SERPINI2: variants seen among roughly 807,000 people sequenced by gnomAD.
SERPINI2 encodes the protein serpin I2.
SERPINI2 carries 48 observed loss-of-function variants against 47.3 expected under a neutral mutation model. The observed-to-expected ratio is 1.02, with a 90% CI of 0.81 to 1.29. The LOEUF is 1.29. SERPINI2 is among the 50% of genes most tolerant of loss of function. The pLI is 0.00. For synonymous variants in SERPINI2, 135 were observed against 149.3 expected (o/e 0.90, Z 0.70); for missense variants, 448 against 456.9 (o/e 0.98, Z 0.18).
upstream of SERPINI2, among the ~76,000 whole-genome samples, chr3:167,476,934 G>A (rs766185822): frequency 3.2e-4 from 49 of 152,046 alleles, no homozygotes; most frequent in Admixed American, 1.6e-3. Context: ...TTCTGGGCAT[G>A]TGGCTCAGAT....
chr3:167,451,224 C>T (rs981960878), intron 6 of SERPINI2, among the ~76,000 whole-genome samples: 1 of 152,162 alleles, frequency 6.6e-6, no homozygotes, highest in Non-Finnish European at 1.5e-5. Context: ...TGCTTACACT[C>T]AGAAAGGTTA....
intron 5 of SERPINI2, among the ~76,000 whole-genome samples, chr3:167,455,395 C>T (rs1749755639): frequency 6.6e-6 from 1 of 152,024 alleles, no homozygotes; most frequent in Non-Finnish European, 1.5e-5. Context: ...TACTTCTGGC[C>T]TCCAGGCCCT....
chr3:167,467,376 C>A (rs1750167426), intron 2 of SERPINI2, 91 bp from the exon 3 acceptor site: 1 of 873,652 alleles, frequency 1.1e-6, no homozygotes, highest in South Asian at 1.8e-5. Flanking sequence ...TGATTCATAT[C>A]ACCGTTTTTT....
intron 5 of SERPINI2, among the ~76,000 whole-genome samples, chr3:167,461,455 C>A (rs1203330745): frequency 6.6e-6 from 1 of 152,068 alleles, no homozygotes; most frequent in African/African-American, 2.4e-5. Flanking sequence ...GCTTTTAAGG[C>A]AAATTGTTCT....
chr3:167,467,020 G>A (rs774548754), intron 3 of SERPINI2, 35 bp downstream of exon 3: 3 of 1,480,386 alleles, frequency 2.0e-6, no homozygotes, highest in African/African-American at 2.8e-5. Context: ...GAATACAATG[G>A]CAAATAATAA....
At chr3:167,471,819 A>C (rs17246389) in exon 2 of SERPINI2, 388,655 of 1,606,616 alleles carry the variant, frequency 0.24, 50,484 homozygotes, top group South Asian at 0.3. Flanking sequence ...AGACTCCACA[A>C]GAAGATTGTG....
intron 6 of SERPINI2, among the ~76,000 whole-genome samples, chr3:167,450,993 A>G (rs1246145771): frequency 6.6e-6 from 1 of 152,210 alleles, no homozygotes. Context: ...CATAGTCATT[A>G]TTTCTCTTAA....
intron 3 of SERPINI2, among the ~76,000 whole-genome samples, chr3:167,466,571 A>T (rs1326624371): frequency 6.6e-6 from 1 of 152,164 alleles, no homozygotes; most frequent in African/African-American, 2.4e-5. Flanking sequence ...CAACTATGAA[A>T]TTTTTTGCTA....
intron 2 of SERPINI2, among the ~76,000 whole-genome samples, chr3:167,468,351 T>G (rs1750206678): frequency 6.6e-6 from 1 of 152,098 alleles, no homozygotes; most frequent in African/African-American, 2.4e-5. Context: ...ATACATTTTT[T>G]TTTTTAAATC....
chr3:167,449,248 G>A, intron 7 of SERPINI2, 68 bp downstream of exon 7: 2 of 1,051,446 alleles, frequency 1.9e-6, no homozygotes, highest in Admixed American at 3.4e-5. Context: ...CTTCAAAAGG[G>A]TCAGCACCAT....
exon 3 of SERPINI2, chr3:167,467,130 T>C (rs1468205930): frequency 1.2e-6 from 2 of 1,613,482 alleles, no homozygotes; most frequent in African/African-American, 2.7e-5. Flanking sequence ...ACCAGTTTTA[T>C]AGCACTCTGA....
rs1750170236 is a variant in SERPINI2, at chr3:167,467,436, T to C, written c.248-151A>G. 20 of 577,700 alleles carry C rather than the reference T, an allele frequency of 3.5e-5. No individual in the cohort carries two copies. In the South Asian group the frequency reaches 4.6e-4, roughly 13 times the overall value. 35.8% of individuals were successfully genotyped at this position (577,700 alleles called of 1,614,324 possible). A position where few individuals can be genotyped will look rare whatever the true frequency, so the allele number is the denominator to read the frequency against. ...CCCTTCAAAGTTAGTATAAATATTT[T>C]AAGGATGTATCTCCTGTAGAATATG... On this transcript the variant is annotated intron_variant, in intron 2 of 8. Coordinates refer to ENST00000264677, the Ensembl canonical transcript of SERPINI2.
chr3:167,473,734 T>TA, intron 1 of SERPINI2: 1 of 1,470,626 alleles, frequency 6.8e-7, no homozygotes, highest in Non-Finnish European at 9.0e-7. Context: ...AAAACTCACT[T>TA]ACCTCATCAG....
chr3:167,445,170 T>G (rs9884112), intron 8 of SERPINI2, among the ~76,000 whole-genome samples: 29,040 of 152,080 alleles, frequency 0.19, 4,118 homozygotes, highest in African/African-American at 0.39. Flanking sequence ...CAGAAGGGTC[T>G]CTCAGCATTA....
At chr3:167,445,262 A>G (rs566640506) in intron 8 of SERPINI2, among the ~76,000 whole-genome samples, 196 of 152,296 alleles carry the variant, frequency 1.3e-3, no homozygotes, top group African/African-American at 4.5e-3. Flanking sequence ...ATAGATTCAG[A>G]TTCTGCAATT....
chr3:167,475,594 T>C (rs1750458594), upstream of SERPINI2, among the ~76,000 whole-genome samples: 1 of 151,798 alleles, frequency 6.6e-6, no homozygotes, highest in African/African-American at 2.4e-5. Flanking sequence ...CATAAATTTA[T>C]TCTCCCTGGT....
intron 6 of SERPINI2, among the ~76,000 whole-genome samples, chr3:167,452,417 T>C (rs1749667993): frequency 6.6e-6 from 1 of 152,228 alleles, no homozygotes; most frequent in African/African-American, 2.4e-5. Context: ...AAGAGCTCCA[T>C]CTTATCTTCT....
exon 4 of SERPINI2, chr3:167,465,543 A>C (rs757793579): frequency 6.2e-7 from 1 of 1,613,836 alleles, no homozygotes; most frequent in East Asian, 2.2e-5. Context: ...TTTTCTTAGT[A>C]AAATTTATCA....
chr3:167,475,728 T>G (rs57579138), upstream of SERPINI2, among the ~76,000 whole-genome samples: 40,979 of 141,794 alleles, frequency 0.29, 6,236 homozygotes, highest in East Asian at 0.44. Flanking sequence ...AAAATCGGGG[T>G]GGGGGGAGAA....
Sources: gnomAD v4.1 joint callset for allele counts (sites outside exome capture counted in the v4.1 genomes callset) on GRCh38, gnomAD v4.1.1 for gene constraint, MANE v1.5 for transcripts, NCBI Gene and HGNC (gene_info 2026-07-23, HGNC 2026-07-21) for gene names.